The following TSC22D4 variants were observed in gnomAD, a reference collection of about 807,000 sequenced individuals.
The protein encoded by TSC22D4 is TSC22 domain family protein 4.
In TSC22D4, 5 loss-of-function variants were observed where a neutral mutation model predicts 24.9. The observed-to-expected ratio is 0.20, with a 90% confidence interval of 0.10 to 0.42. The LOEUF (loss-of-function observed/expected upper bound fraction) is 0.42, where lower values mean the gene tolerates loss of function less well. Among genes scored for constraint, TSC22D4 ranks in the 10% least tolerant of loss-of-function variants. The pLI is 1.00. For synonymous variants in TSC22D4, 245 were observed against 243.2 expected (o/e 1.01, Z -0.07); for missense variants, 469 against 547.9 (o/e 0.86, Z 1.44).
chr7:100,474,545 T>C lies in TSC22D4; in HGVS notation c.763-105A>G. The C allele has an allele frequency of 7.3e-7, 1 of 1,363,400 alleles. No homozygotes were observed. The highest frequency in any genetic ancestry group is 2.2e-5 in the Admixed American group (1 of 46,248). The allele number at this position is 1,363,400 out of a possible 1,614,324, so 84.5% of individuals were successfully genotyped here. On this transcript the variant is annotated intron_variant, in intron 2 of 4. Coordinates refer to ENST00000300181, the MANE Select transcript of TSC22D4 (RefSeq NM_030935.5). The surrounding 1 kb of genome is among the most constrained non-coding windows in gnomAD (Gnocchi z 4.3). ...TTCCTCCCTCTCCACCTCCCCACTC[T>C]CTTTCGAGGACCCAGGAGTCCTGTC...
At chr7:100,478,350 A>AGAGGGTGTGTGT (rs1228276528) in intron 1 of TSC22D4, 43 bp from the exon 2 acceptor site, 2 of 82,804 alleles carry the variant, frequency 2.4e-5, no homozygotes, top group Non-Finnish European at 4.2e-5. Context: ...AGAGAGAGAG[A>AGAGGGTGTGTGT]GTGTGTGTGT....
At chr7:100,467,321 C>T in intron 4 of TSC22D4, 153 bp from the exon 5 acceptor site, 1 of 915,648 alleles carries the variant, frequency 1.1e-6, no homozygotes, top group Non-Finnish European at 1.7e-6. Flanking sequence ...GGGACAGAGG[C>T]AGAGTCAGGG....
chr7:100,476,255 G>C (rs999015731), intron 2 of TSC22D4, among the ~76,000 whole-genome samples: 3 of 133,410 alleles, frequency 2.2e-5, no homozygotes, highest in African/African-American at 8.2e-5. Context: ...GTAGGAGGGG[G>C]CATCACGAGA....
rs969061380 is a variant in TSC22D4 at position 100,474,632 on chromosome 7, G to A, written c.763-192C>T. On this transcript the variant is annotated intron_variant, in intron 2 of 4. Transcript: ENST00000300181. The surrounding 1 kb of genome is among the most constrained non-coding windows in gnomAD (Gnocchi z 4.3). ...ATTAGGCAGGTACTAGAAGCAAGAAGTGGGTCAACCTAAGGAATGGGAGGA... is the reference window on the plus strand; with the variant it reads ...ATTAGGCAGGTACTAGAAGCAAGAAATGGGTCAACCTAAGGAATGGGAGGA... Among the ~76,000 whole-genome samples the A allele has an allele frequency of 6.6e-6, 1 of 152,126 alleles. No homozygotes were observed. Among genetic ancestry groups the A allele is most frequent in the African/African-American group, 2.4e-5 (1 of 41,416 alleles).
In TSC22D4 at chr7:100,478,362, T is replaced by A. The variant is rs1278502416; in HGVS notation, c.-269-55A>T. ...GAGAGAGAGAGAGAGTGTGTGTGTGTGTGTGTGTGTGTGTGTGTGTGTGTG... is the reference window on the plus strand; with the variant it reads ...GAGAGAGAGAGAGAGTGTGTGTGTGAGTGTGTGTGTGTGTGTGTGTGTGTG... On this transcript the variant is annotated intron_variant, in intron 1 of 4. Transcript: ENST00000300181. 310 of 202,248 alleles carry A rather than the reference T, an allele frequency of 1.5e-3. 1 individual carries two copies. Among genetic ancestry groups the A allele is most frequent in the African/African-American group, 2.6e-3 (99 of 38,552 alleles). The allele number at this position is 202,248 out of a possible 1,614,324, so 12.5% of individuals were successfully genotyped here.
intron 3 of TSC22D4, among the ~76,000 whole-genome samples, chr7:100,473,394 A>C (rs755388879): frequency 1.3e-4 from 20 of 151,898 alleles, no homozygotes; most frequent in Non-Finnish European, 2.9e-4. Flanking sequence ...GGAGAGAAAG[A>C]GGGAGATGGA....
Position 100,477,355 on chromosome 7 carries a change from C to T in TSC22D4, c.684G>A (p.Arg228=), listed in dbSNP as rs1310515471. The change falls in exon 2 of 5, where the codon AGG becomes AGA. Residue 228 remains arginine, a synonymous_variant. Transcript: ENST00000300181. The surrounding 1 kb of genome is among the most constrained non-coding windows in gnomAD (Gnocchi z 7.8). ...VEAEAGGSGA[R]TPPLSRRKAV... ...CTTTCCTCCGGGACAGTGGAGGGGT[C>T]CTGGCCCCTGAGCCCCCAGCCTCCG... The T allele has an allele frequency of 6.3e-7, 1 of 1,579,076 alleles. No individual in the cohort carries two copies. The highest frequency in any genetic ancestry group is 1.9e-5 in the Admixed American group (1 of 53,490).
At position 100,477,879 on chromosome 7, in the gene TSC22D4, C is replaced by T. The variant is rs770031259; in HGVS notation, c.160G>A (p.Gly54Ser). The change falls in exon 2 of 5, where the codon GGC (glycine) becomes AGC (serine). Residue 54 changes from glycine (G) to serine (S), a missense_variant. By Grantham distance (56) the Gly-to-Ser change is moderately conservative. Transcript: ENST00000300181. This position sits in a 1 kb window ranked among gnomAD's most constrained non-coding sequence, Gnocchi z 7.8. ...PNGEPSPDPG[G>S]KGTPRNGSPP... is the part of the protein sequence containing the mutation. Reference sequence around the variant, plus strand: ...GAGCCATTCCGGGGGGTGCCCTTGCCCCCCGGATCGGGGCTGGGCTCCCCA... The same window carrying T: ...GAGCCATTCCGGGGGGTGCCCTTGCTCCCCGGATCGGGGCTGGGCTCCCCA... The T allele has an allele frequency of 1.9e-6, 3 of 1,580,548 alleles. No individual in the cohort carries two copies. The highest frequency in any genetic ancestry group is 2.7e-5 in the African/African-American group (2 of 74,318).
At chr7:100,467,203 G>A (rs1330861010) in intron 4 of TSC22D4, 35 bp from the exon 5 acceptor site, 6 of 1,604,130 alleles carry the variant, frequency 3.7e-6, no homozygotes, top group Non-Finnish European at 5.1e-6. Flanking sequence ...CGTCAACGGG[G>A]TGGGTGCCTC....
At chr7:100,467,690 T>G (rs1159407494) in intron 3 of TSC22D4, 90 bp from the exon 4 acceptor site, 1 of 1,249,072 alleles carries the variant, frequency 8.0e-7, no homozygotes, top group Admixed American at 1.8e-5. Context: ...CACACCCCCC[T>G]GTACCTGTGA....
rs1799296052 is a variant in TSC22D4, at chr7:100,467,173, G to A, written c.979-5C>T. 1 of 1,613,952 alleles carries A rather than the reference G, an allele frequency of 6.2e-7. No individual in the cohort carries two copies. The highest frequency in any genetic ancestry group is 1.1e-5 in the South Asian group (1 of 91,094). ...GAGGTGGGACTTCACCAAGTCCTGG[G>A]GGCCCCGGGACAGGCACAGCGTCAA... On this transcript the variant is annotated splice_polypyrimidine_tract_variant and splice_region_variant and intron_variant, in intron 4 of 4. Transcript: ENST00000300181.
intron 3 of TSC22D4, among the ~76,000 whole-genome samples, chr7:100,473,355 T>C (rs1169279799): frequency 6.6e-6 from 1 of 151,904 alleles, no homozygotes; most frequent in Non-Finnish European, 1.5e-5. Context: ...GCTCCACAGG[T>C]GCTGTTAGGG....
intron 1 of TSC22D4, among the ~76,000 whole-genome samples, 163 bp downstream of exon 1, chr7:100,478,631 C>T (rs1178792604): frequency 2.6e-5 from 4 of 152,104 alleles, no homozygotes; most frequent in Admixed American, 1.3e-4. Flanking sequence ...GCTCGGACTC[C>T]AGGGCCTGGG....
chr7:100,474,424 G>A lies in TSC22D4; in HGVS notation c.779C>T (p.Ser260Phe), dbSNP rs746964418. 2 of 1,614,014 alleles carry A rather than the reference G, an allele frequency of 1.2e-6. No individual in the cohort carries two copies. Among genetic ancestry groups the A allele is most frequent in the Non-Finnish European group, 1.7e-6 (2 of 1,179,990 alleles). Residue 260 changes from serine (S) to phenylalanine (F), a missense_variant, in exon 3 of 5, where the codon TCT becomes TTT. By Grantham distance (155) the Ser-to-Phe change is radical. Transcript: ENST00000300181. This position sits in a 1 kb window ranked among gnomAD's most constrained non-coding sequence, Gnocchi z 4.3. ...GTAGAGGGCTGGGGAGCTGGGGCGAGAGTCAAGTGGGGGCACCTGGAGGCG... is the reference window on the plus strand; with the variant it reads ...GTAGAGGGCTGGGGAGCTGGGGCGAAAGTCAAGTGGGGGCACCTGGAGGCG... ...EEMGQVPPLD[S>F]RPSSPALYFT...
intron 1 of TSC22D4, 37 bp from the exon 2 acceptor site, chr7:100,478,344 AGAGAGAGTGTGTGTGT>A (rs1232046973): frequency 4.5e-5 from 13 of 289,190 alleles, no homozygotes; most frequent in Non-Finnish European, 6.2e-5. Context: ...AGAGAGAGAG[AGAGAGAGTGTGTGTGT>A]GTGTGTGTGT....
rs192378539 is a variant in TSC22D4 at position 100,477,416 on chromosome 7, C to A, written c.623G>T (p.Arg208Leu). Reference protein sequence around the residue: ...PETGESAGTSRAATPLPSLRV... With the variant: ...PETGESAGTSLAATPLPSLRV... ...CAGAGAGGGCAGGGGCGTGGCAGCCCGGGATGTGCCCGCACTCTCACCGGT... is the reference window on the plus strand; with the variant it reads ...CAGAGAGGGCAGGGGCGTGGCAGCCAGGGATGTGCCCGCACTCTCACCGGT... The change falls in exon 2 of 5, where the codon CGG becomes CTG. Residue 208 changes from arginine (R) to leucine (L), a missense_variant. Arg to Leu is a moderately radical substitution (Grantham distance 102). Transcript: ENST00000300181. This position sits in a 1 kb window ranked among gnomAD's most constrained non-coding sequence, Gnocchi z 7.8. The A allele has an allele frequency of 5.0e-6, 8 of 1,593,118 alleles. No homozygotes were observed. The African/African-American group carries it at 9.4e-5, about 19-fold the overall frequency.
chr7:100,467,709 A>G (rs746292721), intron 3 of TSC22D4, 109 bp from the exon 4 acceptor site: 98 of 1,119,864 alleles, frequency 8.8e-5, no homozygotes, highest in Non-Finnish European at 1.3e-4. Flanking sequence ...GACAGTAGAG[A>G]ATGAGGGAGA....
Position 100,477,638 on chromosome 7 carries a change from C to G in TSC22D4, c.401G>C (p.Gly134Ala). ...LDSRLELASL[G>A]LGAPTPPSGL... ...TGACGGTGGGGTGGGGGCGCCCAGG[C>G]CGAGGCTGGCCAGCTCCAACCTGGA... The change falls in exon 2 of 5, where the codon GGC becomes GCC. Residue 134 changes from glycine to alanine, a missense_variant. Physicochemically the swap from Gly to Ala is moderately conservative, Grantham distance 60. Transcript: ENST00000300181. The surrounding 1 kb of genome is among the most constrained non-coding windows in gnomAD (Gnocchi z 7.8). The G allele has an allele frequency of 6.3e-7, 1 of 1,594,598 alleles. No homozygotes were observed. The highest frequency in any genetic ancestry group is 8.5e-7 in the Non-Finnish European group (1 of 1,175,214).
Position 100,477,510 on chromosome 7 carries a change from TG to T in TSC22D4, c.528del (p.Ser177AlafsTer40). ...FTGGLGQLVV[P>X]SKAKAEKPPL... is the part of the protein sequence containing the mutation. Reference sequence around the variant, plus strand: ...GGGGGTTTCTCTGCCTTGGCTTTGCTGGGCACCACCAGCTGGCCCAGTCCCC... The same window carrying T: ...GGGGGTTTCTCTGCCTTGGCTTTGCTGGCACCACCAGCTGGCCCAGTCCCC... On this transcript the variant is annotated frameshift_variant, in exon 2 of 5. Transcript: ENST00000300181. LOFTEE classifies it high-confidence loss of function. The surrounding 1 kb of genome is among the most constrained non-coding windows in gnomAD (Gnocchi z 7.8). 6.4e-7 allele frequency: 1 copy of T among 1,556,644 alleles called. No homozygotes were observed. Among genetic ancestry groups the T allele is most frequent in the African/African-American group, 1.4e-5 (1 of 73,382 alleles).
Sources: allele counts gnomAD v4.1 joint callset (sites outside exome capture counted in the v4.1 genomes callset), GRCh38; gene constraint gnomAD v4.1.1; non-coding constraint Gnocchi (gnomAD v3.1); transcripts MANE v1.5; gene names NCBI Gene and HGNC (gene_info 2026-07-23, HGNC 2026-07-21).